The following C8orf34 variants were observed in gnomAD, a reference collection of about 807,000 sequenced individuals.
The protein encoded by C8orf34 is chromosome 8 open reading frame 34, also known as uncharacterized protein C8orf34.
A neutral mutation model predicts 68.3 loss-of-function variants in C8orf34; 65 were observed. The observed-to-expected ratio is 0.95, with a 90% confidence interval of 0.78 to 1.17. C8orf34 has a LOEUF of 1.17. C8orf34 is among the 50% of genes most tolerant of loss of function. The pLI is 0.00. For missense variants in C8orf34, 664 were observed against 655.4 expected (o/e 1.01, Z -0.14); for synonymous variants, 244 against 241.2 (o/e 1.01, Z -0.11).
intron 4 of C8orf34, among the ~76,000 whole-genome samples, chr8:68,483,593 AGAT>A (rs1812952030): frequency 6.6e-6 from 1 of 152,218 alleles, no homozygotes; most frequent in African/African-American, 2.4e-5. Flanking sequence ...AAGGAATAAT[AGAT>A]AAATGGGAAA....
intron 1 of C8orf34, among the ~76,000 whole-genome samples, chr8:68,342,743 G>C (rs1806123054): frequency 6.6e-6 from 1 of 152,098 alleles, no homozygotes; most frequent in Non-Finnish European, 1.5e-5. Context: ...TCAGTTATCA[G>C]ATTGACTCTT....
At chr8:68,588,267 G>A (rs1228481328) in intron 7 of C8orf34, among the ~76,000 whole-genome samples, 1 of 152,016 alleles carries the variant, frequency 6.6e-6, no homozygotes, top group East Asian at 1.9e-4. Flanking sequence ...CATGTGGAAA[G>A]ATAATTATGA....
chr8:68,681,586 A>G lies in C8orf34; in HGVS notation c.1242-27408A>G, dbSNP rs116745519. 4.2e-3 allele frequency among the ~76,000 whole-genome samples: 635 copies of G among 152,336 alleles called. 6 individuals are homozygous for G. Among genetic ancestry groups the G allele is most frequent in the African/African-American group, 0.014 (580 of 41,584 alleles). ...TGGAATGTAAATTGGTACAACCACT[A>G]TGGAGAACAGTTTGGAAGTTCCTCG... On this transcript the variant is annotated intron_variant, in intron 8 of 13. Coordinates refer to ENST00000518698, the MANE Select transcript of C8orf34 (RefSeq NM_052958.4).
chr8:68,635,825 G>A (rs1342790579), intron 7 of C8orf34, among the ~76,000 whole-genome samples: 1 of 151,680 alleles, frequency 6.6e-6, no homozygotes, highest in African/African-American at 2.4e-5. Context: ...TTTCTTCTCT[G>A]CAGGCACAGG....
chr8:68,341,865 T>C (rs1161578126), intron 1 of C8orf34, among the ~76,000 whole-genome samples: 4 of 152,202 alleles, frequency 2.6e-5, no homozygotes, highest in Admixed American at 2.0e-4. Flanking sequence ...CAGTTTCAGG[T>C]ATTTCTTTAT....
chr8:68,368,613 T>C (rs543879814), intron 1 of C8orf34, among the ~76,000 whole-genome samples: 2 of 152,258 alleles, frequency 1.3e-5, no homozygotes, highest in African/African-American at 2.4e-5. Flanking sequence ...TAGGTACCTT[T>C]ATAAAGTTAG....
rs1160845483 is a variant in C8orf34, at chr8:68,567,577, C to CTTTTTTTTTTTTTTTTTTTT, written c.1105+34444_1105+34463dup. Among the ~76,000 whole-genome samples, 17 of 29,782 alleles carry CTTTTTTTTTTTTTTTTTTTT rather than the reference C, an allele frequency of 5.7e-4. 5 individuals carry two copies. The highest frequency in any genetic ancestry group is 8.4e-4 in the Non-Finnish European group (14 of 16,686). 19.5% of individuals were successfully genotyped at this position (29,782 alleles called of 152,430 possible). On this transcript the variant is annotated intron_variant, in intron 7 of 13. Coordinates refer to ENST00000518698, the MANE Select transcript of C8orf34 (RefSeq NM_052958.4). ...TCTTTTCAAATTTTGTTTCATTTAT[C>CTTTTTTTTTTTTTTTTTTTT]TTTTTTTTTTTTTTTTTTTTTTTTT...
intron 1 of C8orf34, among the ~76,000 whole-genome samples, chr8:68,369,788 C>A (rs1586002106): frequency 6.6e-6 from 1 of 152,226 alleles, no homozygotes; most frequent in African/African-American, 2.4e-5. Flanking sequence ...CACTGTAATT[C>A]TCTGCACACT....
intron 6 of C8orf34, among the ~76,000 whole-genome samples, chr8:68,526,426 T>C (rs1814990754): frequency 6.6e-6 from 1 of 152,118 alleles, no homozygotes; most frequent in African/African-American, 2.4e-5. Context: ...TGACAAAAAA[T>C]CCTAGACTCA....
chr8:68,636,599 G>C (rs1818853939), intron 7 of C8orf34, among the ~76,000 whole-genome samples: 1 of 151,748 alleles, frequency 6.6e-6, no homozygotes, highest in Non-Finnish European at 1.5e-5. Context: ...AAAAATAAAT[G>C]ATTGTCTGCA....
At chr8:68,745,951 C>T (rs1440037956) in intron 10 of C8orf34, among the ~76,000 whole-genome samples, 1 of 152,054 alleles carries the variant, frequency 6.6e-6, no homozygotes, top group Non-Finnish European at 1.5e-5. Context: ...AGCACCACAC[C>T]ACACCTATTC....
At chr8:68,419,516 G>T (rs986983877) in intron 1 of C8orf34, among the ~76,000 whole-genome samples, 4 of 151,932 alleles carry the variant, frequency 2.6e-5, no homozygotes, top group Non-Finnish European at 5.9e-5. Flanking sequence ...CTGCTATAAA[G>T]ACACTTGCAC....
chr8:68,558,617 A>AAG (rs546283587), intron 7 of C8orf34, among the ~76,000 whole-genome samples: 3 of 151,606 alleles, frequency 2.0e-5, no homozygotes, highest in South Asian at 2.1e-4. Context: ...GAGAGAGAGA[A>AAG]AGAGAGAGAG....
intron 12 of C8orf34, among the ~76,000 whole-genome samples, chr8:68,812,334 C>T (rs1824676353): frequency 6.6e-6 from 1 of 152,108 alleles, no homozygotes; most frequent in African/African-American, 2.4e-5. Context: ...AACAACTGTT[C>T]AAAGCATGCT....
chr8:68,336,248 C>T (rs1397300992), intron 1 of C8orf34, among the ~76,000 whole-genome samples: 1 of 151,486 alleles, frequency 6.6e-6, no homozygotes, highest in Non-Finnish European at 1.5e-5. Flanking sequence ...ACAGCTAAGA[C>T]TACAGCTAAG....
chr8:68,719,893 T>C (rs1821620418), intron 9 of C8orf34, among the ~76,000 whole-genome samples: 1 of 151,974 alleles, frequency 6.6e-6, no homozygotes, highest in Non-Finnish European at 1.5e-5. Flanking sequence ...GAGTGAATAC[T>C]AAAATTATAG....
intron 1 of C8orf34, among the ~76,000 whole-genome samples, chr8:68,426,518 CAA>C (rs753578060): frequency 0.011 from 335 of 29,596 alleles, 1 homozygote; most frequent in African/African-American, 0.024. Context: ...GACCTTGTCT[CAA>C]AAAAAAAAAA....
At chr8:68,369,173 A>G (rs527494313) in intron 1 of C8orf34, among the ~76,000 whole-genome samples, 1 of 152,350 alleles carries the variant, frequency 6.6e-6, no homozygotes, top group East Asian at 1.9e-4. Flanking sequence ...CCACATCACT[A>G]TTCCTAGACA....
At chr8:68,592,511 T>C (rs1377517637) in intron 7 of C8orf34, among the ~76,000 whole-genome samples, 1 of 151,994 alleles carries the variant, frequency 6.6e-6, no homozygotes, top group Admixed American at 6.6e-5. Flanking sequence ...TGAATTCTAT[T>C]ATTTATTCTA....
Sources: allele counts gnomAD v4.1 joint callset (sites outside exome capture counted in the v4.1 genomes callset), GRCh38; gene constraint gnomAD v4.1.1; transcripts MANE v1.5; gene names NCBI Gene and HGNC (gene_info 2026-07-23, HGNC 2026-07-21).